NAPRT: variants seen among roughly 807,000 people sequenced by gnomAD.
NAPRT encodes FHA-HIT-interacting protein.
In NAPRT, 66 loss-of-function variants were observed where a neutral mutation model predicts 60.7. The ratio of observed to expected loss-of-function variants is 1.09; its 90% CI spans 0.89 to 1.33. The LOEUF (loss-of-function observed/expected upper bound fraction) is 1.33, where lower values mean the gene tolerates loss of function less well. NAPRT is among the 40% of genes most tolerant of loss of function. NAPRT has a pLI of 0.00. For missense variants in NAPRT, 818 were observed against 731.5 expected, an observed-to-expected ratio of 1.12 and a Z score of -1.36; for synonymous variants, 405 against 335.7, an observed-to-expected ratio of 1.21 and a Z score of -2.26.
At chr8:143,578,003 G>A (rs916672127) in intron 1 of NAPRT, 60 bp from the exon 2 acceptor site, 4 of 1,555,708 alleles carry the variant, frequency 2.6e-6, no homozygotes, top group Admixed American at 3.6e-5. Flanking sequence ...TGGGACATGG[G>A]GGGTTCCACG....
rs1435782200 is a variant in NAPRT at position 143,577,528 on chromosome 8, A to T, written c.437+129T>A. On this transcript the variant is annotated intron_variant, in intron 3 of 12. Coordinates refer to ENST00000449291, the MANE Select transcript of NAPRT (RefSeq NM_145201.6). ...TCACCCAGCCCCTCCTTACACCCTG[A>T]AGAGTGGGGGCGGGAGGCCAGTCCT... is the stretch of plus-strand genomic sequence containing the variant. 14 of 1,448,948 alleles carry T rather than the reference A, an allele frequency of 9.7e-6. No homozygotes were observed. In the Admixed American group the frequency reaches 2.9e-4, roughly 30 times the overall value. The allele number at this position is 1,448,948 out of a possible 1,614,324, so 89.8% of individuals were successfully genotyped here. A position where few individuals can be genotyped will look rare whatever the true frequency, so the allele number is the denominator to read the frequency against.
chr8:143,575,143 G>C, intron 11 of NAPRT, 48 bp downstream of exon 11: 2 of 1,577,012 alleles, frequency 1.3e-6, no homozygotes, highest in Non-Finnish European at 1.7e-6. Flanking sequence ...CTCCCAGTCA[G>C]GGCTCTACCG....
At position 143,576,761 on chromosome 8, in the gene NAPRT, G is replaced by A. The variant is rs769960132; in HGVS notation, c.766C>T (p.His256Tyr). ...GGCTCCTGCACCCCCAGCCCCAGGT[G>A]GGCACACACCTGCTCCAGCCACACC... ...AQVWLEQVCA[H>Y]LGLGVQEPHP... Residue 256 changes from histidine to tyrosine, a missense_variant, in exon 6 of 13, where the codon CAC becomes TAC. Physicochemically the swap from His to Tyr is moderately conservative, Grantham distance 83. Coordinates refer to ENST00000449291, the MANE Select transcript of NAPRT (RefSeq NM_145201.6). 2 of 1,607,910 alleles carry A rather than the reference G, an allele frequency of 1.2e-6. No homozygotes were observed. Among genetic ancestry groups the A allele is most frequent in the East Asian group, 4.5e-5 (2 of 44,670 alleles).
intron 8 of NAPRT, 21 bp from the exon 9 acceptor site, chr8:143,575,723 C>T: frequency 6.5e-7 from 1 of 1,541,698 alleles, no homozygotes; most frequent in African/African-American, 1.4e-5. Flanking sequence ...AAGGGGGTGG[C>T]CGTGAGCCCA....
Position 143,576,475 on chromosome 8 carries a change from G to A in NAPRT, c.979C>T (p.Gln327Ter), listed in dbSNP as rs746925377. ...AAGACCTTGCGGATCTCCTGAGCCT[G>A]CTGTAGCAGGTCACCACTGTCCAGC... ...VRLDSGDLLQ[Q>*]AQEIRKVFRA... The change falls in exon 7 of 13, where the codon CAG becomes TAG. Residue 327 changes from glutamine (Q) to a stop codon, truncating the protein, a stop_gained. Coordinates refer to ENST00000449291, the MANE Select transcript of NAPRT (RefSeq NM_145201.6). LOFTEE classifies it high-confidence loss of function. 6.2e-7 allele frequency: 1 copy of A among 1,612,282 alleles called. No homozygotes were observed. The highest frequency in any genetic ancestry group is 1.7e-5 in the Admixed American group (1 of 59,966).
chr8:143,575,781 A>AGGTGGCACTGCCCTGGGTGAAGGG, intron 8 of NAPRT, 79 bp from the exon 9 acceptor site: 1 of 337,820 alleles, frequency 3.0e-6, no homozygotes, highest in Middle Eastern at 1.3e-3. Flanking sequence ...GTGGGGAAGG[A>AGGTGGCACTGCCCTGGGTGAAGGG]GGTGGCACTG....
In NAPRT at chr8:143,578,249, T is replaced by C; in HGVS notation, c.70A>G (p.Thr24Ala). 1 of 1,495,498 alleles carries C rather than the reference T, an allele frequency of 6.7e-7. No individual in the cohort carries two copies. The highest frequency in any genetic ancestry group is 8.9e-7 in the Non-Finnish European group (1 of 1,127,708). 92.6% of individuals were successfully genotyped at this position (1,495,498 alleles called of 1,614,324 possible). ...RPLLTDLYQA[T>A]MALGYWRAGR... Reference sequence around the variant, plus strand: ...GCGCGCCAATAGCCCAACGCCATGGTGGCCTGGTAGAGGTCAGTGAGCAGC... The same window carrying C: ...GCGCGCCAATAGCCCAACGCCATGGCGGCCTGGTAGAGGTCAGTGAGCAGC... The change falls in exon 1 of 13, where the codon ACC (threonine) becomes GCC (alanine). Residue 24 changes from threonine (T) to alanine (A), a missense_variant. Coordinates refer to ENST00000449291, the MANE Select transcript of NAPRT (RefSeq NM_145201.6).
chr8:143,574,084 C>CAGTG (rs1348486541), downstream of NAPRT, among the ~76,000 whole-genome samples: 1 of 152,260 alleles, frequency 6.6e-6, no homozygotes, highest in African/African-American at 2.4e-5. Context: ...TCTTGAAGCT[C>CAGTG]ACGTTGCCCA....
chr8:143,573,972 C>T (rs1824242117), downstream of NAPRT: 2 of 152,556 alleles, frequency 1.3e-5, no homozygotes, highest in South Asian at 4.1e-4. Flanking sequence ...TCCCCCCACA[C>T]CCTTGCCTGT....
rs780143799 is a variant in NAPRT, at chr8:143,575,358, G to A, written c.1292-13C>T. On this transcript the variant is annotated splice_polypyrimidine_tract_variant and intron_variant, in intron 10 of 12. Transcript: ENST00000449291. ...ATGAGTGGAGACCCTGTGTGGACGG[G>A]GCAAGAATAAGCGGGGGCCCTGGTG... is the stretch of plus-strand genomic sequence containing the variant. 2 of 1,605,294 alleles carry A rather than the reference G, an allele frequency of 1.2e-6. No homozygotes were observed. Among genetic ancestry groups the A allele is most frequent in the Non-Finnish European group, 1.7e-6 (2 of 1,173,780 alleles).
chr8:143,575,242 C>G lies in NAPRT; in HGVS notation c.1395G>C (p.Val465=), dbSNP rs75643271. ...WPPGAQEPCT[V]RPAQVEPLLR... ...GTAGTGGCTCCACCTGGGCTGGCCT[C>G]ACGGTGCAGGGCTCCTGGGCCCCTG... Residue 465 remains valine, a synonymous_variant, in exon 11 of 13, where the codon GTG becomes GTC. Transcript: ENST00000449291. 2.5e-3 allele frequency: 4,057 copies of G among 1,612,356 alleles called. 90 individuals are homozygous for G. In the African/African-American group the frequency reaches 0.047, roughly 19 times the overall value.
At position 143,575,179 on chromosome 8, in the gene NAPRT, T is replaced by A. The variant is rs1254442987; in HGVS notation, c.1446+12A>T. The A allele has an allele frequency of 6.2e-7, 1 of 1,601,390 alleles. No homozygotes were observed. ...GGGCTGGGGGTCAGGATGAGGGCGG[T>A]GGGGCAGCCACCTGTCCCTGCTGGA... On this transcript the variant is annotated intron_variant, in intron 11 of 12. Transcript: ENST00000449291.
At chr8:143,577,576 C>T in intron 3 of NAPRT, 81 bp downstream of exon 3, 4 of 1,505,426 alleles carry the variant, frequency 2.7e-6, no homozygotes, top group Non-Finnish European at 3.6e-6. Context: ...CAGCCAGCCC[C>T]GCCGCCACAG....
rs368112899 is a variant in NAPRT, at chr8:143,576,167, C to T, written c.1023-5G>A. Reference sequence around the variant, plus strand: ...TCCAGCCAGGGCACCTGGAACCTGCCGCGTGGGTGGAGAAAGGGTGGGGGC... The same window carrying T: ...TCCAGCCAGGGCACCTGGAACCTGCTGCGTGGGTGGAGAAAGGGTGGGGGC... On this transcript the variant is annotated splice_region_variant and splice_polypyrimidine_tract_variant and intron_variant, in intron 7 of 12. Transcript: ENST00000449291. 86 of 1,590,912 alleles carry T rather than the reference C, an allele frequency of 5.4e-5. No individual in the cohort carries two copies. The Middle Eastern group carries it at 6.7e-4, about 12-fold the overall frequency.
chr8:143,577,358 C>T lies in NAPRT; in HGVS notation c.479G>A (p.Gly160Glu), dbSNP rs1316643979. ...TNAARLRLIA[G>E]PEKRLLEMGL... ...CATCTCTAGCAGCCGCTTCTCTGGCCCTGCGATCAAGCGAAGCCGCGCTGC... is the reference window on the plus strand; with the variant it reads ...CATCTCTAGCAGCCGCTTCTCTGGCTCTGCGATCAAGCGAAGCCGCGCTGC... The change falls in exon 4 of 13, where the codon GGG (glycine) becomes GAG (glutamate). Residue 160 changes from glycine to glutamate, a missense_variant. Coordinates refer to ENST00000449291, the MANE Select transcript of NAPRT (RefSeq NM_145201.6). 5.6e-6 allele frequency: 9 copies of T among 1,608,192 alleles called. No individual in the cohort carries two copies. Among genetic ancestry groups the T allele is most frequent in the South Asian group, 1.1e-5 (1 of 90,116 alleles).
Position 143,577,369 on chromosome 8 carries a change from G to A in NAPRT, c.468C>T (p.Arg156=). The A allele has an allele frequency of 6.2e-7, 1 of 1,608,164 alleles. No individual in the cohort carries two copies. The change falls in exon 4 of 13, where the codon CGC becomes CGT. Residue 156 remains arginine (R), a synonymous_variant. Coordinates refer to ENST00000449291, the MANE Select transcript of NAPRT (RefSeq NM_145201.6). ...SLVATNAARL[R]LIAGPEKRLL... is the part of the protein sequence containing the mutation. ...GCCGCTTCTCTGGCCCTGCGATCAA[G>A]CGAAGCCGCGCTGCGTTGGTGGCCA...
chr8:143,575,022 A>C lies in NAPRT; in HGVS notation c.1518T>G (p.Pro506=). The C allele has an allele frequency of 6.6e-7, 1 of 1,514,434 alleles. No homozygotes were observed. Among genetic ancestry groups the C allele is most frequent in the Non-Finnish European group, 8.9e-7 (1 of 1,126,784 alleles). The allele number at this position is 1,514,434 out of a possible 1,614,324, so 93.8% of individuals were successfully genotyped here. The change falls in exon 12 of 13, where the codon CCT becomes CCG. Residue 506 remains proline (P), a synonymous_variant. Coordinates refer to ENST00000449291, the MANE Select transcript of NAPRT (RefSeq NM_145201.6). ...LAQLSLSRLS[P]EHRRLRSPAQ... is the part of the protein sequence containing the mutation. ...CAGGGCTCCGCAGCCGCCTGTGCTC[A>C]GGGCTGAGTCGGCTCAGGGACAGCT...
Position 143,574,892 on chromosome 8 carries a change from C to G in NAPRT, c.1563G>C (p.Leu521=). The G allele has an allele frequency of 1.3e-6, 2 of 1,550,664 alleles. No homozygotes were observed. The highest frequency in any genetic ancestry group is 2.4e-5 in the East Asian group (1 of 40,926). Residue 521 remains leucine (L), a synonymous_variant, in exon 13 of 13, where the codon CTG becomes CTC. Coordinates refer to ENST00000449291, the MANE Select transcript of NAPRT (RefSeq NM_145201.6). Reference sequence around the variant, plus strand: ...TCACCAGGGCCTGCAGCCTCTCGGACAGCACCACCTGCAGGGAGCAGAGGA... The same window carrying G: ...TCACCAGGGCCTGCAGCCTCTCGGAGAGCACCACCTGCAGGGAGCAGAGGA... ...LRSPAQYQVV[L]SERLQALVNS...
At chr8:143,573,730 G>T (rs962152458), downstream of NAPRT, 12 of 74,932 alleles carry the variant, frequency 1.6e-4, no homozygotes, top group Non-Finnish European at 3.5e-4. Flanking sequence ...GAGTGCGCGG[G>T]TGCCCTGGGG....
Sources: gnomAD v4.1 joint callset for allele counts (sites outside exome capture counted in the v4.1 genomes callset) on GRCh38, gnomAD v4.1.1 for gene constraint, MANE v1.5 for transcripts, NCBI Gene and HGNC (gene_info 2026-07-23, HGNC 2026-07-21) for gene names.